Variants in PHF21B observed in about 807,000 individuals in gnomAD.
The protein encoded by PHF21B is PHD finger protein 21B.
Under a neutral mutation model 62.2 loss-of-function variants are expected in PHF21B, and 22 were observed. The ratio of observed to expected loss-of-function variants is 0.35; its 90% CI spans 0.25 to 0.51. The LOEUF is 0.51. PHF21B is among the 20% of genes least tolerant of loss of function. The pLI is 0.97. For missense variants in PHF21B, 701 were observed against 707.9 expected, an observed-to-expected ratio of 0.99 and a Z score of 0.11; for synonymous variants, 341 against 314.7, an observed-to-expected ratio of 1.08 and a Z score of -0.88.
intron 2 of PHF21B, among the ~76,000 whole-genome samples, chr22:44,932,964 T>C (rs996662185): frequency 6.6e-6 from 1 of 152,182 alleles, no homozygotes; most frequent in African/African-American, 2.4e-5. Context: ...CCAGCAACCC[T>C]AGAGGTGCCC....
Position 44,893,495 on chromosome 22 carries a change from T to A in PHF21B, c.922A>T (p.Thr308Ser). Residue 308 changes from threonine (T) to serine (S), a missense_variant, in exon 7 of 13, where the codon ACA (threonine) becomes TCA (serine). Coordinates refer to ENST00000313237, the MANE Select transcript of PHF21B (RefSeq NM_138415.5). ...SKRQERKRRS[T>S]ANPAYSGLLE... ...AGGCCGCTGTAGGCAGGGTTGGCTGTGCTTCTTCTCTTCCGCTCCTGTCGC... is the reference window on the plus strand; with the variant it reads ...AGGCCGCTGTAGGCAGGGTTGGCTGAGCTTCTTCTCTTCCGCTCCTGTCGC... 6.2e-7 allele frequency: 1 copy of A among 1,604,464 alleles called. No homozygotes were observed. Among genetic ancestry groups the A allele is most frequent in the African/African-American group, 1.3e-5 (1 of 74,948 alleles).
chr22:44,976,615 G>T (rs1330428596), intron 2 of PHF21B, among the ~76,000 whole-genome samples: 2 of 152,240 alleles, frequency 1.3e-5, no homozygotes, highest in Non-Finnish European at 2.9e-5. Context: ...CCTCTGGGGA[G>T]CTGGAAGTGT....
At chr22:44,995,849 C>T (rs563176067) in intron 2 of PHF21B, among the ~76,000 whole-genome samples, 40 of 144,388 alleles carry the variant, frequency 2.8e-4, no homozygotes, top group African/African-American at 3.8e-4. Context: ...AGACTCTGTC[C>T]CTGAGGTCAG....
At chr22:44,925,469 C>T (rs2071610817) in intron 2 of PHF21B, among the ~76,000 whole-genome samples, 1 of 152,222 alleles carries the variant, frequency 6.6e-6, no homozygotes, top group African/African-American at 2.4e-5. Flanking sequence ...TCTTTGCCAC[C>T]TGTCCCATGG....
intron 2 of PHF21B, among the ~76,000 whole-genome samples, chr22:44,943,313 T>G (rs1487417792): frequency 6.6e-6 from 1 of 152,086 alleles, no homozygotes; most frequent in Non-Finnish European, 1.5e-5. Context: ...AGGGGGTTGA[T>G]TACACCCGAA....
chr22:44,890,636 T>C (rs933409243), intron 8 of PHF21B, among the ~76,000 whole-genome samples: 2 of 152,236 alleles, frequency 1.3e-5, no homozygotes, highest in African/African-American at 4.8e-5. Flanking sequence ...GGACTATGGT[T>C]TTCTAACTGA....
chr22:44,917,777 T>G (rs1166132306), intron 3 of PHF21B, among the ~76,000 whole-genome samples: 1 of 151,830 alleles, frequency 6.6e-6, no homozygotes, highest in African/African-American at 2.4e-5. Flanking sequence ...GTGGAAGGAG[T>G]GGTCCAGGGT....
intron 3 of PHF21B, among the ~76,000 whole-genome samples, chr22:44,918,597 G>A (rs1286731904): frequency 6.6e-6 from 1 of 152,202 alleles, no homozygotes; most frequent in African/African-American, 2.4e-5. Context: ...CCCAACACAG[G>A]CTGCCTACTC....
intron 2 of PHF21B, among the ~76,000 whole-genome samples, chr22:44,934,353 G>A (rs2071803205): frequency 1.3e-5 from 2 of 152,238 alleles, no homozygotes; most frequent in Admixed American, 6.5e-5. Context: ...ACATAGAGGA[G>A]CGATGACATC....
rs375361381 is a variant in PHF21B at position 44,916,641 on chromosome 22, G to T, written c.214-11C>A. 26 of 1,598,780 alleles carry T rather than the reference G, an allele frequency of 1.6e-5. No individual in the cohort carries two copies. The highest frequency in any genetic ancestry group is 2.1e-5 in the Non-Finnish European group (25 of 1,178,790). On this transcript the variant is annotated splice_polypyrimidine_tract_variant and intron_variant, in intron 3 of 12. Transcript: ENST00000313237. ...AGTCTTTGGCCTAACCTGGGAAGAAGGGACAGGTATGTGGTCAGACAGGCA... is the reference window on the plus strand; with the variant it reads ...AGTCTTTGGCCTAACCTGGGAAGAATGGACAGGTATGTGGTCAGACAGGCA...
chr22:44,997,688 G>C (rs1489897811), intron 2 of PHF21B, among the ~76,000 whole-genome samples: 3 of 152,120 alleles, frequency 2.0e-5, no homozygotes, highest in Non-Finnish European at 4.4e-5. Flanking sequence ...GTGCAGATTG[G>C]CTTTCCGCCT....
At chr22:44,894,772 A>G (rs1394878647) in intron 6 of PHF21B, among the ~76,000 whole-genome samples, 2 of 152,140 alleles carry the variant, frequency 1.3e-5, no homozygotes, top group East Asian at 3.9e-4. Flanking sequence ...CCAGAGAGCA[A>G]GTCAGACCCA....
At position 44,983,407 on chromosome 22, in the gene PHF21B, G is replaced by A. The variant is rs1041593216; in HGVS notation, c.120+25138C>T. Among the ~76,000 whole-genome samples the A allele has an allele frequency of 5.9e-5, 9 of 152,242 alleles. 1 individual carries two copies. ...AGCTGTCCCTAGCCACTTGGCCCAGGGGAACTCACTACCTCAGGCAGAGGC... is the reference window on the plus strand; with the variant it reads ...AGCTGTCCCTAGCCACTTGGCCCAGAGGAACTCACTACCTCAGGCAGAGGC... On this transcript the variant is annotated intron_variant, in intron 2 of 12. Transcript: ENST00000313237.
At position 44,908,008 on chromosome 22, in the gene PHF21B, CATA is replaced by C. The variant is rs1273641662; in HGVS notation, c.831+5811_831+5813del. Among the ~76,000 whole-genome samples, 3 of 152,146 alleles carry C rather than the reference CATA, an allele frequency of 2.0e-5. No individual in the cohort carries two copies. The East Asian group carries it at 5.8e-4, about 29-fold the overall frequency. On this transcript the variant is annotated intron_variant, in intron 5 of 12. Transcript: ENST00000313237. ...CTGGTAATGCGGCCCCTTTCACGCC[CATA>C]ATGTTTATATGCAGGAAAAGCTGGG...
intron 2 of PHF21B, among the ~76,000 whole-genome samples, chr22:44,929,630 G>A (rs545068538): frequency 6.6e-6 from 1 of 152,338 alleles, no homozygotes; most frequent in Non-Finnish European, 1.5e-5. Context: ...CACCTCCAAA[G>A]AAAGAGGGCA....
rs375988856 is a variant in PHF21B, at chr22:44,885,455, G to A, written c.1348C>T (p.Arg450Trp). 6.3e-6 allele frequency: 10 copies of A among 1,591,904 alleles called. No individual in the cohort carries two copies. Among genetic ancestry groups the A allele is most frequent in the South Asian group, 3.4e-5 (3 of 87,774 alleles). Residue 450 changes from arginine (R) to tryptophan (W), a missense_variant, in exon 12 of 13, where the codon CGG (arginine) becomes TGG (tryptophan). Physicochemically the swap from Arg to Trp is moderately radical, Grantham distance 101. Coordinates refer to ENST00000313237, the MANE Select transcript of PHF21B (RefSeq NM_138415.5). Reference protein sequence around the residue: ...LQNEHQQLEERDRRLASAVQK... With the variant: ...LQNEHQQLEEWDRRLASAVQK... Reference sequence around the variant, plus strand: ...ACTGCTGACGCCAGCCGCCGGTCCCGCTCCTCCAGCTGCTGGTGCTCGTTC... The same window carrying A: ...ACTGCTGACGCCAGCCGCCGGTCCCACTCCTCCAGCTGCTGGTGCTCGTTC...
At chr22:44,946,464 T>C (rs2072073475) in intron 2 of PHF21B, among the ~76,000 whole-genome samples, 1 of 151,218 alleles carries the variant, frequency 6.6e-6, no homozygotes, top group South Asian at 2.1e-4. Context: ...ACGTACTGAG[T>C]GGGATGGGAA....
chr22:44,974,738 C>T (rs530932379), intron 2 of PHF21B, among the ~76,000 whole-genome samples: 1 of 152,308 alleles, frequency 6.6e-6, no homozygotes, highest in South Asian at 2.1e-4. Flanking sequence ...GCCTCCCATG[C>T]TGGGTTTACA....
intron 10 of PHF21B, among the ~76,000 whole-genome samples, chr22:44,886,813 C>T (rs1325316489): frequency 6.6e-6 from 1 of 152,156 alleles, no homozygotes. Context: ...CCCACAGAAC[C>T]AGGGATGATG....
Sources: gnomAD v4.1 joint callset for allele counts (sites outside exome capture counted in the v4.1 genomes callset) on GRCh38, gnomAD v4.1.1 for gene constraint, MANE v1.5 for transcripts, NCBI Gene and HGNC (gene_info 2026-07-23, HGNC 2026-07-21) for gene names.